MPRIP: variants seen among roughly 807,000 people sequenced by gnomAD.
MPRIP encodes the protein myosin phosphatase Rho interacting protein.
MPRIP carries 59 observed loss-of-function variants against 234.9 expected under a neutral mutation model. That is an observed-to-expected ratio of 0.25 (90% CI 0.20 to 0.31). The LOEUF (loss-of-function observed/expected upper bound fraction) is 0.31. MPRIP is among the 10% of genes least tolerant of loss of function. MPRIP has a pLI of 1.00. For synonymous variants in MPRIP, 1,144 were observed against 1,263.9 expected, an observed-to-expected ratio of 0.91 and a Z score of 2.01; for missense variants, 2,436 against 3,071.0, an observed-to-expected ratio of 0.79 and a Z score of 4.89.
chr17:17,086,675 G>A (rs928839500), intron 3 of MPRIP, among the ~76,000 whole-genome samples: 3 of 152,210 alleles, frequency 2.0e-5, no homozygotes, highest in African/African-American at 7.2e-5. Context: ...GGATGGAAAC[G>A]CTTCCTAAGT....
At chr17:17,067,585 T>C (rs1398983238) in intron 1 of MPRIP, among the ~76,000 whole-genome samples, 2 of 152,212 alleles carry the variant, frequency 1.3e-5, no homozygotes, top group Non-Finnish European at 2.9e-5. Flanking sequence ...AGGCTGTGGT[T>C]GACCGTGGGT....
chr17:17,095,475 G>T (rs949842674), intron 3 of MPRIP, among the ~76,000 whole-genome samples: 1 of 152,100 alleles, frequency 6.6e-6, no homozygotes, highest in Non-Finnish European at 1.5e-5. Flanking sequence ...CTTTCTCTTG[G>T]GCTTGTTGGT....
intron 22 of MPRIP, among the ~76,000 whole-genome samples, chr17:17,177,988 G>A (rs984384414): frequency 1.3e-5 from 2 of 149,546 alleles, no homozygotes; most frequent in Non-Finnish European, 3.0e-5. Flanking sequence ...ATGCAATGGC[G>A]TGATTTCACT....
chr17:17,139,342 C>G (rs141066034), intron 7 of MPRIP, among the ~76,000 whole-genome samples: 1 of 152,228 alleles, frequency 6.6e-6, no homozygotes, highest in African/African-American at 2.4e-5. Context: ...GATAGACTTA[C>G]AGACTTCTGG....
chr17:17,129,760 T>C (rs1172563972), intron 4 of MPRIP, among the ~76,000 whole-genome samples: 1 of 152,208 alleles, frequency 6.6e-6, no homozygotes, highest in Non-Finnish European at 1.5e-5. Flanking sequence ...TGCAGGGGCC[T>C]GGGGTACCTG....
chr17:17,066,622 C>G (rs913877117), intron 1 of MPRIP, among the ~76,000 whole-genome samples: 3 of 151,088 alleles, frequency 2.0e-5, no homozygotes, highest in African/African-American at 7.3e-5. Flanking sequence ...TTCCTCAAAC[C>G]ACGGATAGTA....
Position 17,078,021 on chromosome 17 carries a change from G to A in MPRIP, c.212G>A (p.Arg71Gln), listed in dbSNP as rs2089375198. 1 of 1,614,142 alleles carries A rather than the reference G, an allele frequency of 6.2e-7. No individual in the cohort carries two copies. The highest frequency in any genetic ancestry group is 8.5e-7 in the Non-Finnish European group (1 of 1,180,002). The change falls in exon 3 of 24, where the codon CGA becomes CAA. Residue 71 changes from arginine (R) to glutamine (Q), a missense_variant. Coordinates refer to ENST00000651222, the MANE Select transcript of MPRIP (RefSeq NM_001364716.4). The surrounding 1 kb of genome is among the most constrained non-coding windows in gnomAD (Gnocchi z 4.3). The part of the protein sequence containing the change: ...NPVHRSRKWQ[R>Q]RFFILYEHGL... ...TGTGCTCCGTTGCAGAAATGGCAGC[G>A]ACGGTTCTTCATCCTTTACGAGCAC...
rs1247956204 is a variant in MPRIP at position 17,138,080 on chromosome 17, A to G, written c.901A>G (p.Ser301Gly). ...PSPSTPNHRY[S>G]CPESPSQELG... ...CCCCAGCACCCCCAACCACAGGTAC[A>G]GTTGCCCCGAGTCGCCCTCCCAGGA... Residue 301 changes from serine to glycine, a missense_variant, in exon 7 of 24, where the codon AGT (serine) becomes GGT (glycine). Physicochemically the swap from Ser to Gly is moderately conservative, Grantham distance 56. Coordinates refer to ENST00000651222, the MANE Select transcript of MPRIP (RefSeq NM_001364716.4). The surrounding 1 kb of genome is among the most constrained non-coding windows in gnomAD (Gnocchi z 5.8). 2 of 1,573,748 alleles carry G rather than the reference A, an allele frequency of 1.3e-6. No homozygotes were observed. The highest frequency in any genetic ancestry group is 1.2e-5 in the South Asian group (1 of 86,114).
chr17:17,163,396 C>T (rs1394025325), intron 15 of MPRIP, among the ~76,000 whole-genome samples: 3 of 152,066 alleles, frequency 2.0e-5, no homozygotes, highest in South Asian at 2.1e-4. Flanking sequence ...GTTTCATTTA[C>T]GTTGTGTTTT....
intron 3 of MPRIP, among the ~76,000 whole-genome samples, chr17:17,083,330 G>A (rs985819708): frequency 6.6e-6 from 1 of 152,166 alleles, no homozygotes; most frequent in African/African-American, 2.4e-5. Context: ...AAGTAAACAG[G>A]CTTGGTCCAA....
At chr17:17,054,886 C>CA (rs891981446) in intron 1 of MPRIP, among the ~76,000 whole-genome samples, 1 of 151,570 alleles carries the variant, frequency 6.6e-6, no homozygotes, top group Non-Finnish European at 1.5e-5. Context: ...CCTGTCTCTA[C>CA]AAAAAAGTAA....
Position 17,192,426 on chromosome 17 carries a change from T to TGGGGGGGGGG in MPRIP, c.*7532_*7533insGGGGGGGGGG, listed in dbSNP as rs1157972241. On this transcript the variant is annotated 3_prime_UTR_variant, in exon 24 of 24. Transcript: ENST00000651222. ...GACCAGCTGAGCTGCTGCTTTTTTT[T>TGGGGGGGGGG]TGGGGGGGGGGGGGGGAGGGGCGTC... is the stretch of plus-strand genomic sequence containing the variant. 1.7e-3 allele frequency: 5 copies of TGGGGGGGGGG among 2,960 alleles called. No homozygotes were observed. Among genetic ancestry groups the TGGGGGGGGGG allele is most frequent in the East Asian group, 0.015 (1 of 68 alleles). 0.2% of individuals were successfully genotyped at this position (2,960 alleles called of 1,614,324 possible).
At chr17:17,071,968 G>A (rs142321207) in intron 1 of MPRIP, among the ~76,000 whole-genome samples, 6 of 152,226 alleles carry the variant, frequency 3.9e-5, no homozygotes, top group African/African-American at 9.6e-5. Flanking sequence ...GCCTACCCAC[G>A]CAGCATTTCC....
chr17:17,159,116 T>C (rs925746972), intron 14 of MPRIP, 114 bp downstream of exon 14: 1 of 1,092,692 alleles, frequency 9.2e-7, no homozygotes, highest in Non-Finnish European at 1.3e-6. Flanking sequence ...GCGAGGGACT[T>C]GCAGACCCCT....
Position 17,171,746 on chromosome 17 carries a change from T to A in MPRIP, c.6353T>A (p.Met2118Lys). The change falls in exon 17 of 24, where the codon ATG becomes AAG. Residue 2118 changes from methionine to lysine, a missense_variant. By Grantham distance (95) the Met-to-Lys change is moderately conservative. Coordinates refer to ENST00000651222, the MANE Select transcript of MPRIP (RefSeq NM_001364716.4). ...KATCERGFAAMEETHQKKIED... is the reference protein window; with the variant it reads ...KATCERGFAAKEETHQKKIED... ...ACGTGCGAGCGAGGGTTTGCAGCAATGGAAGAAACGCACCAGAAGAAGATT... is the reference window on the plus strand; with the variant it reads ...ACGTGCGAGCGAGGGTTTGCAGCAAAGGAAGAAACGCACCAGAAGAAGATT... The A allele has an allele frequency of 6.2e-7, 1 of 1,613,306 alleles. No individual in the cohort carries two copies. The highest frequency in any genetic ancestry group is 8.5e-7 in the Non-Finnish European group (1 of 1,180,008).
chr17:17,154,917 C>T (rs1479245879), intron 13 of MPRIP, among the ~76,000 whole-genome samples: 2 of 152,254 alleles, frequency 1.3e-5, no homozygotes, highest in African/African-American at 2.4e-5. Context: ...TCATGTGTCT[C>T]AGATTTTGCT....
In MPRIP at chr17:17,186,949, T is replaced by C. The variant is rs2046487623; in HGVS notation, c.*2055T>C. On this transcript the variant is annotated 3_prime_UTR_variant, in exon 24 of 24. Coordinates refer to ENST00000651222, the MANE Select transcript of MPRIP (RefSeq NM_001364716.4). ...ATCTGACCAGATAGGAGTTTTTGCC[T>C]CGTGTCTGGGTGCTACGATTTTGTG... 1 of 152,210 alleles carries C rather than the reference T, an allele frequency of 6.6e-6. No homozygotes were observed. The highest frequency in any genetic ancestry group is 2.4e-5 in the African/African-American group (1 of 41,452). 9.4% of individuals were successfully genotyped at this position (152,210 alleles called of 1,614,324 possible). A position where few individuals can be genotyped will look rare whatever the true frequency, so the allele number is the denominator to read the frequency against.
At chr17:17,157,232 T>C (rs910698911) in intron 13 of MPRIP, among the ~76,000 whole-genome samples, 2 of 152,246 alleles carry the variant, frequency 1.3e-5, no homozygotes, top group Non-Finnish European at 2.9e-5. Flanking sequence ...GAATCTCTGC[T>C]TCTAGCAGAT....
At chr17:17,115,436 G>A (rs764050645) in intron 3 of MPRIP, among the ~76,000 whole-genome samples, 1 of 152,220 alleles carries the variant, frequency 6.6e-6, no homozygotes, top group East Asian at 1.9e-4. Flanking sequence ...GCCTGGGTTG[G>A]CAGGGAGGCG....
Sources: gnomAD v4.1 joint callset for allele counts (sites outside exome capture counted in the v4.1 genomes callset) on GRCh38, gnomAD v4.1.1 for gene constraint, Gnocchi (gnomAD v3.1) non-coding constraint, MANE v1.5 for transcripts, NCBI Gene and HGNC (gene_info 2026-07-23, HGNC 2026-07-21) for gene names.